The following CCND3 variants were observed in gnomAD, a reference collection of about 807,000 sequenced individuals.
CCND3 encodes cyclin D3, also known as G1/S-specific cyclin-D3.
CCND3 carries 9 observed loss-of-function variants against 28.7 expected under a neutral mutation model. That is an observed-to-expected ratio of 0.31 (90% CI 0.19 to 0.55). CCND3 has a LOEUF of 0.55. Ranked by LOEUF, CCND3 falls within the 20% of genes least tolerant of loss-of-function variation. The probability of loss-of-function intolerance (pLI) is 0.93; values close to 1 mark genes in which losing one functional copy is unlikely to be tolerated. For synonymous variants in CCND3, 164 were observed against 163.9 expected (o/e 1.00, Z 0.00); for missense variants, 315 against 385.8 (o/e 0.82, Z 1.54).
upstream of CCND3, among the ~76,000 whole-genome samples, chr6:41,946,407 C>A (rs1361289363): frequency 3.3e-5 from 5 of 151,018 alleles, no homozygotes; most frequent in Non-Finnish European, 7.4e-5. Context: ...GACCGCCTGG[C>A]CAACACAGTA....
intron 1 of CCND3, among the ~76,000 whole-genome samples, chr6:41,965,460 G>A (rs955660052): frequency 6.6e-6 from 1 of 152,136 alleles, no homozygotes; most frequent in Non-Finnish European, 1.5e-5. Flanking sequence ...CCACTCCCCT[G>A]GATTGCCTTG....
intron 1 of CCND3, 54 bp from the exon 2 acceptor site, chr6:41,940,639 C>A: frequency 9.2e-7 from 1 of 1,084,412 alleles, no homozygotes. Context: ...AACACAGCAG[C>A]GGGGGGGTGG....
chr6:41,943,175 T>C (rs930236654), upstream of CCND3, among the ~76,000 whole-genome samples: 5 of 152,196 alleles, frequency 3.3e-5, no homozygotes, highest in Admixed American at 2.6e-4. Flanking sequence ...TTATTCTTTC[T>C]TATATTATAA....
upstream of CCND3, among the ~76,000 whole-genome samples, chr6:41,945,679 G>A (rs965812093): frequency 5.3e-5 from 8 of 152,294 alleles, no homozygotes; most frequent in South Asian, 1.7e-3. Flanking sequence ...GCTAAACAGG[G>A]TTCTGGAGTC....
chr6:42,042,501 C>T (rs1764403146), intron 1 of CCND3, among the ~76,000 whole-genome samples: 1 of 152,120 alleles, frequency 6.6e-6, no homozygotes. Flanking sequence ...GCCGGGATTA[C>T]AGGCATGCGC....
chr6:42,046,812 T>C (rs974545806), intron 1 of CCND3, among the ~76,000 whole-genome samples: 5 of 152,218 alleles, frequency 3.3e-5, no homozygotes, highest in African/African-American at 1.2e-4. Context: ...AGACTCCCTT[T>C]AGGAAACTCC....
intron 1 of CCND3, among the ~76,000 whole-genome samples, chr6:41,986,775 C>G (rs955489794): frequency 6.6e-6 from 1 of 152,024 alleles, no homozygotes; most frequent in Non-Finnish European, 1.5e-5. Flanking sequence ...CCCAATTGCT[C>G]TAGCAAGGAC....
rs1041402212 is a variant in CCND3, at chr6:41,939,008, T to C, written c.414+1362A>G. 1.3e-5 allele frequency among the ~76,000 whole-genome samples: 2 copies of C among 152,064 alleles called. No individual in the cohort carries two copies. The highest frequency in any genetic ancestry group is 4.8e-5 in the African/African-American group (2 of 41,414). ...TACGTGGGCACACAAACCACCTCCA[T>C]CTTTTCACAAAAAGGAAGTTCCCCT... On this transcript the variant is annotated intron_variant, in intron 2 of 4. Coordinates refer to ENST00000372991, the MANE Select transcript of CCND3 (RefSeq NM_001760.5). This position sits in a 1 kb window ranked among gnomAD's most constrained non-coding sequence, Gnocchi z 4.2.
chr6:41,962,760 T>TG (rs1241523913), intron 1 of CCND3, among the ~76,000 whole-genome samples: 1 of 7,088 alleles, frequency 1.4e-4, no homozygotes, highest in Non-Finnish European at 2.5e-4. Context: ...AAAAAAATAA[T>TG]TTTTTTTTGA....
Position 42,043,525 on chromosome 6 carries a change from C to T in CCND3, c.-46+4976G>A, listed in dbSNP as rs534938621. ...CAGCCGGGGCGACAGAGTGAGACTC[C>T]ATTTCAACAAAATAATAAAAAATTA... On this transcript the variant is annotated intron_variant, in intron 1 of 4. Transcript: ENST00000372988. Among the ~76,000 whole-genome samples the T allele has an allele frequency of 4.0e-5, 6 of 151,246 alleles. No homozygotes were observed. The South Asian group carries it at 1.3e-3, about 32-fold the overall frequency.
chr6:42,027,349 A>G (rs2127435209), intron 1 of CCND3, among the ~76,000 whole-genome samples: 1 of 151,738 alleles, frequency 6.6e-6, no homozygotes, highest in African/African-American at 2.4e-5. Flanking sequence ...CTGAGGCAGG[A>G]GAATGGCGTG....
At chr6:42,039,530 A>AC (rs1229174032) in intron 1 of CCND3, among the ~76,000 whole-genome samples, 1 of 152,016 alleles carries the variant, frequency 6.6e-6, no homozygotes, top group Non-Finnish European at 1.5e-5. Flanking sequence ...CAGCTGAACC[A>AC]CCCCCTCCAG....
chr6:41,937,450 C>T (rs1211352344), intron 2 of CCND3, 56 bp from the exon 3 acceptor site: 1 of 1,598,816 alleles, frequency 6.3e-7, no homozygotes, highest in African/African-American at 1.3e-5. Context: ...GAGGAGGGAG[C>T]AAAGCAGAAG....
At chr6:42,018,201 T>C (rs1026032627) in intron 1 of CCND3, among the ~76,000 whole-genome samples, 5 of 151,630 alleles carry the variant, frequency 3.3e-5, no homozygotes, top group African/African-American at 1.2e-4. Context: ...CTTTATTTGT[T>C]TGTTTGTTTG....
At chr6:41,985,313 T>C (rs983487160) in intron 1 of CCND3, among the ~76,000 whole-genome samples, 1 of 140,566 alleles carries the variant, frequency 7.1e-6, no homozygotes, top group African/African-American at 2.7e-5. Context: ...TCTTTTTTTT[T>C]TTTTTTTTTT....
chr6:41,991,286 T>A (rs983929197), intron 1 of CCND3, among the ~76,000 whole-genome samples: 1 of 152,152 alleles, frequency 6.6e-6, no homozygotes, highest in Admixed American at 6.6e-5. Flanking sequence ...CTCAAACTCC[T>A]GACCTCAGGT....
intron 1 of CCND3, among the ~76,000 whole-genome samples, chr6:41,970,285 G>A (rs1762002049): frequency 6.6e-6 from 1 of 152,246 alleles, no homozygotes; most frequent in South Asian, 2.1e-4. Context: ...GTTGGAGTGA[G>A]CCAAGATCGC....
At chr6:42,022,125 T>C (rs967602709) in intron 1 of CCND3, among the ~76,000 whole-genome samples, 23 of 152,324 alleles carry the variant, frequency 1.5e-4, no homozygotes, top group African/African-American at 3.4e-4. Context: ...AATTTTCAGA[T>C]TGAGTTCCAC....
intron 1 of CCND3, among the ~76,000 whole-genome samples, chr6:41,953,436 G>T (rs545988880): frequency 6.6e-6 from 1 of 152,130 alleles, no homozygotes; most frequent in Non-Finnish European, 1.5e-5. Context: ...GTGGCTCTAG[G>T]ACTGGATGAG....
Sources: gnomAD v4.1 joint callset for allele counts (sites outside exome capture counted in the v4.1 genomes callset) on GRCh38, gnomAD v4.1.1 for gene constraint, Gnocchi (gnomAD v3.1) non-coding constraint, MANE v1.5 for transcripts, NCBI Gene and HGNC (gene_info 2026-07-23, HGNC 2026-07-21) for gene names.